SYT1: variants seen among roughly 807,000 people sequenced by gnomAD.
SYT1 encodes the protein synaptotagmin 1.
Under a neutral mutation model 44.8 loss-of-function variants are expected in SYT1, and 8 were observed. That is an observed-to-expected ratio of 0.18 (90% CI 0.10 to 0.32). SYT1 has a LOEUF of 0.32. Ranked by LOEUF, SYT1 falls within the 10% of genes least tolerant of loss-of-function variation. The pLI, the probability that SYT1 is intolerant of heterozygous loss-of-function variation, is 1.00. For missense variants in SYT1, 286 were observed against 509.3 expected (o/e 0.56, Z 4.22); for synonymous variants, 154 against 188.8 (o/e 0.82, Z 1.51).
At chr12:78,913,576 A>C (rs770172762) in intron 1 of SYT1, among the ~76,000 whole-genome samples, 3 of 151,896 alleles carry the variant, frequency 2.0e-5, no homozygotes, top group African/African-American at 2.4e-5. Context: ...TATTTTTTAT[A>C]AAATGCAGAA....
At chr12:79,086,946 T>C (rs1432796513) in intron 3 of SYT1, among the ~76,000 whole-genome samples, 1 of 152,180 alleles carries the variant, frequency 6.6e-6, no homozygotes, top group Non-Finnish European at 1.5e-5. Context: ...ATCACCATTG[T>C]AATACTCTTT....
At chr12:79,440,919 T>G (rs1870374226) in intron 9 of SYT1, among the ~76,000 whole-genome samples, 4 of 152,124 alleles carry the variant, frequency 2.6e-5, no homozygotes, top group African/African-American at 7.2e-5. Flanking sequence ...AGCAAGAGAT[T>G]AGGGATATCG....
chr12:79,335,046 A>G (rs17005483), intron 8 of SYT1, among the ~76,000 whole-genome samples: 17,002 of 152,154 alleles, frequency 0.11, 1,422 homozygotes, highest in African/African-American at 0.24. Flanking sequence ...ACTGATGAGT[A>G]TCAAAACATC....
intron 1 of SYT1, among the ~76,000 whole-genome samples, chr12:78,929,906 A>G (rs1877540712): frequency 6.6e-6 from 1 of 152,138 alleles, no homozygotes; most frequent in Non-Finnish European, 1.5e-5. Flanking sequence ...AGTGAGTAGG[A>G]CCATTTGTAA....
At chr12:78,949,532 C>T (rs1878852444) in intron 1 of SYT1, among the ~76,000 whole-genome samples, 2 of 150,746 alleles carry the variant, frequency 1.3e-5, no homozygotes, top group African/African-American at 2.4e-5. Flanking sequence ...AATACCATTG[C>T]ATTTATAATT....
intron 8 of SYT1, among the ~76,000 whole-genome samples, chr12:79,317,361 C>A (rs1422304766): frequency 1.3e-5 from 2 of 152,228 alleles, no homozygotes; most frequent in African/African-American, 4.8e-5. Flanking sequence ...CCAACCATAT[C>A]TCCACTCTTC....
intron 4 of SYT1, among the ~76,000 whole-genome samples, chr12:79,267,211 A>G (rs1878181316): frequency 6.6e-6 from 1 of 152,238 alleles, no homozygotes; most frequent in African/African-American, 2.4e-5. Context: ...CTGCCCCTTT[A>G]GCTGATAATC....
intron 3 of SYT1, among the ~76,000 whole-genome samples, chr12:79,061,368 A>T (rs1875371334): frequency 1.3e-5 from 2 of 152,130 alleles, no homozygotes; most frequent in South Asian, 4.1e-4. Context: ...TCTAATCCTC[A>T]CACTGAAAAG....
At chr12:79,100,763 T>C (rs1878401508) in intron 3 of SYT1, among the ~76,000 whole-genome samples, 1 of 152,110 alleles carries the variant, frequency 6.6e-6, no homozygotes, top group African/African-American at 2.4e-5. Flanking sequence ...TTCGTAAATA[T>C]AGGAATTGAT....
At chr12:79,206,005 A>G (rs576291327) in intron 3 of SYT1, among the ~76,000 whole-genome samples, 4 of 152,310 alleles carry the variant, frequency 2.6e-5, no homozygotes, top group South Asian at 4.1e-4. Context: ...ATGCACCATT[A>G]TTTTATATAG....
intron 8 of SYT1, chr12:79,341,439 C>T (rs1882369548): frequency 1.3e-5 from 2 of 152,056 alleles, no homozygotes. Flanking sequence ...GAAAAAAAAT[C>T]ATGGGTAGGA....
intron 1 of SYT1, among the ~76,000 whole-genome samples, chr12:78,957,444 C>T (rs1307049447): frequency 6.6e-6 from 1 of 152,122 alleles, no homozygotes; most frequent in South Asian, 2.1e-4. Flanking sequence ...GCACTTACGA[C>T]GTTCAAACAT....
chr12:78,917,652 C>G (rs1267597873), intron 1 of SYT1, among the ~76,000 whole-genome samples: 1 of 150,528 alleles, frequency 6.6e-6, no homozygotes, highest in Non-Finnish European at 1.5e-5. Context: ...CAATTTTGTT[C>G]TTGAGAATAA....
At chr12:79,378,370 C>A (rs1298236367) in intron 9 of SYT1, among the ~76,000 whole-genome samples, 1 of 152,154 alleles carries the variant, frequency 6.6e-6, no homozygotes, top group Non-Finnish European at 1.5e-5. Context: ...ATAAACACAA[C>A]TCTTAAAATT....
rs573723828 is a variant in SYT1, at chr12:78,980,873, A to G, written c.-84+2942A>G. ...GGGGTAGAATATTTTTCTAAAACAC[A>G]GAGAGAGTGGGGTTATAGCATGAAC... On this transcript the variant is annotated intron_variant, in intron 2 of 10. Transcript: ENST00000261205. Among the ~76,000 whole-genome samples the G allele has an allele frequency of 5.9e-5, 9 of 152,232 alleles. 1 individual carries two copies. The South Asian group carries it at 1.0e-3, about 18-fold the overall frequency.
chr12:79,420,674 A>G (rs1487617570), intron 9 of SYT1, among the ~76,000 whole-genome samples: 1 of 152,136 alleles, frequency 6.6e-6, no homozygotes, highest in Non-Finnish European at 1.5e-5. Flanking sequence ...ATATGATGTG[A>G]GTAGAGAGTA....
Position 79,030,801 on chromosome 12 carries a change from T to A in SYT1, c.-83-16496T>A, listed in dbSNP as rs755566445. On this transcript the variant is annotated intron_variant, in intron 2 of 10. Coordinates refer to ENST00000261205, the MANE Select transcript of SYT1 (RefSeq NM_005639.3). Reference sequence around the variant, plus strand: ...CAATAGTTCTTTATACACTTTTATGTTTAAATTAAGTGAAGGAGTAAGGTG... The same window carrying A: ...CAATAGTTCTTTATACACTTTTATGATTAAATTAAGTGAAGGAGTAAGGTG... 1.3e-4 allele frequency among the ~76,000 whole-genome samples: 19 copies of A among 151,092 alleles called. No homozygotes were observed. In the South Asian group the frequency reaches 1.9e-3, roughly 15 times the overall value.
At position 78,955,778 on chromosome 12, in the gene SYT1, G is replaced by A. The variant is rs569574084; in HGVS notation, c.-216-22021G>A. Among the ~76,000 whole-genome samples the A allele has an allele frequency of 2.0e-3, 292 of 148,070 alleles. 2 individuals carry two copies. The highest frequency in any genetic ancestry group is 6.8e-3 in the African/African-American group (273 of 40,072). On this transcript the variant is annotated intron_variant, in intron 1 of 10. Coordinates refer to ENST00000261205, the MANE Select transcript of SYT1 (RefSeq NM_005639.3). ...ACCTAACAGTTTTCTGGGTCCATGCGTTTTATTTTCTGCCAAGATATTTGT... is the reference window on the plus strand; with the variant it reads ...ACCTAACAGTTTTCTGGGTCCATGCATTTTATTTTCTGCCAAGATATTTGT...
chr12:79,294,365 T>C (rs1404678520), intron 6 of SYT1, among the ~76,000 whole-genome samples: 7 of 152,128 alleles, frequency 4.6e-5, no homozygotes, highest in Non-Finnish European at 1.0e-4. Flanking sequence ...ATGTTCTCAG[T>C]TAATTTGATT....
Sources: gnomAD v4.1 joint callset for allele counts (sites outside exome capture counted in the v4.1 genomes callset) on GRCh38, gnomAD v4.1.1 for gene constraint, MANE v1.5 for transcripts, NCBI Gene and HGNC (gene_info 2026-07-23, HGNC 2026-07-21) for gene names.